STON2: variants seen among roughly 807,000 people sequenced by gnomAD.
STON2 encodes the protein stonin-2.
A neutral mutation model predicts 65.7 loss-of-function variants in STON2; 29 were observed. The ratio of observed to expected loss-of-function variants is 0.44; its 90% CI spans 0.33 to 0.60. The LOEUF is 0.60. STON2 is among the 20% of genes least tolerant of loss of function. The pLI is 0.03. For synonymous variants in STON2, 404 were observed against 414.2 expected (o/e 0.98, Z 0.30); for missense variants, 1,054 against 1,118.1 (o/e 0.94, Z 0.82).
At chr14:81,406,455 G>GT (rs1900865826) in intron 2 of STON2, among the ~76,000 whole-genome samples, 1 of 152,156 alleles carries the variant, frequency 6.6e-6, no homozygotes, top group Non-Finnish European at 1.5e-5. Context: ...ACACTCATTA[G>GT]TTTACATATT....
chr14:81,278,269 A>C lies in STON2; in HGVS notation c.1213T>G (p.Ser405Ala), dbSNP rs971023802. 1.9e-6 allele frequency: 3 copies of C among 1,614,030 alleles called. No individual in the cohort carries two copies. In the African/African-American group the frequency reaches 4.0e-5, roughly 22 times the overall value. The change falls in exon 6 of 8, where the codon TCC (serine) becomes GCC (alanine). Residue 405 changes from serine (S) to alanine (A), a missense_variant. Coordinates refer to ENST00000614646, the MANE Select transcript of STON2 (RefSeq NM_001394390.1). ...QERRSQNSSI[S>A]STTGKSQRDS... The stretch of plus-strand genomic sequence containing the variant: ...CTTTGGCTTTTGCCCGTGGTACTGG[A>C]AATGGAACTGTTTTGGGAGCGCCTC...
At chr14:81,411,373 A>G (rs1901149973) in intron 2 of STON2, among the ~76,000 whole-genome samples, 1 of 152,250 alleles carries the variant, frequency 6.6e-6, no homozygotes, top group African/African-American at 2.4e-5. Context: ...CATTCATCCA[A>G]CAAGTGGTTA....
At chr14:81,416,940 C>T (rs1901465200) in intron 2 of STON2, among the ~76,000 whole-genome samples, 2 of 152,180 alleles carry the variant, frequency 1.3e-5, no homozygotes, top group South Asian at 4.1e-4. Flanking sequence ...AAATCTCAAG[C>T]TTGGTGGGTA....
At chr14:81,272,358 A>T (rs1385370582) in intron 6 of STON2, among the ~76,000 whole-genome samples, 8 of 152,232 alleles carry the variant, frequency 5.3e-5, no homozygotes. Flanking sequence ...AGAGGGATTG[A>T]GCTGTAAGAA....
intron 2 of STON2, among the ~76,000 whole-genome samples, chr14:81,415,158 G>T (rs1223768777): frequency 6.6e-6 from 1 of 152,082 alleles, no homozygotes; most frequent in Non-Finnish European, 1.5e-5. Flanking sequence ...CCCTGCCCTG[G>T]ACCCAAGCAC....
intron 3 of STON2, among the ~76,000 whole-genome samples, chr14:81,374,207 G>C (rs953926721): frequency 6.7e-5 from 10 of 150,166 alleles, no homozygotes; most frequent in African/African-American, 2.5e-4. Context: ...GTAGAGATGG[G>C]TTTCACCATG....
chr14:81,354,807 A>T (rs1898159255), intron 4 of STON2, among the ~76,000 whole-genome samples: 1 of 152,158 alleles, frequency 6.6e-6, no homozygotes, highest in South Asian at 2.1e-4. Context: ...TCATGAGGTC[A>T]GGAGTTCAAG....
chr14:81,372,804 C>A (rs1250980065), intron 3 of STON2, among the ~76,000 whole-genome samples: 1 of 152,118 alleles, frequency 6.6e-6, no homozygotes, highest in Non-Finnish European at 1.5e-5. Context: ...AATGTCAGTT[C>A]TCCTGCCGGG....
At chr14:81,381,579 G>A (rs1023830662) in intron 3 of STON2, among the ~76,000 whole-genome samples, 8 of 147,098 alleles carry the variant, frequency 5.4e-5, no homozygotes, top group African/African-American at 2.2e-4. Context: ...TCTAGGAAAT[G>A]CAATTTAAAT....
chr14:81,345,494 A>T (rs1897776174), intron 4 of STON2, among the ~76,000 whole-genome samples: 1 of 152,170 alleles, frequency 6.6e-6, no homozygotes. Context: ...TTGTGAGAAA[A>T]TAAATTTCTG....
At position 81,399,566 on chromosome 14, in the gene STON2, A is replaced by G. The variant is rs544552740; in HGVS notation, c.-199+713T>C. 2.3e-4 allele frequency among the ~76,000 whole-genome samples: 35 copies of G among 152,366 alleles called. No homozygotes were observed. In the Middle Eastern group the frequency reaches 0.01, roughly 44 times the overall value. ...TCTAGGTGGGAAAATCGGTAAAAAC[A>G]TGAACAGCTTTTGCTTTTTTGGTGT... On this transcript the variant is annotated intron_variant, in intron 1 of 7. Transcript: ENST00000614646.
At chr14:81,316,090 G>A (rs1033099567) in intron 5 of STON2, among the ~76,000 whole-genome samples, 5 of 152,134 alleles carry the variant, frequency 3.3e-5, no homozygotes, top group East Asian at 1.9e-4. Flanking sequence ...GTTAAAACAC[G>A]TTGTTTAACT....
chr14:81,404,586 T>C (rs764780520), upstream of STON2, among the ~76,000 whole-genome samples: 2 of 152,222 alleles, frequency 1.3e-5, no homozygotes, highest in Non-Finnish European at 1.5e-5. Context: ...CACTACAGCC[T>C]TGACCTCTGC....
At chr14:81,398,674 A>G (rs1316235425) in intron 1 of STON2, 94 bp from the exon 2 acceptor site, 2 of 265,322 alleles carry the variant, frequency 7.5e-6, no homozygotes, top group Non-Finnish European at 1.4e-5. Flanking sequence ...GCTGCCCACA[A>G]GAAGGCTTGG....
At chr14:81,317,957 A>AT (rs1002593920) in intron 5 of STON2, among the ~76,000 whole-genome samples, 2 of 150,476 alleles carry the variant, frequency 1.3e-5, no homozygotes, top group African/African-American at 4.9e-5. Flanking sequence ...TTTTTTATTT[A>AT]TTTTTTTATT....
At chr14:81,392,747 A>C (rs919862819) in intron 3 of STON2, among the ~76,000 whole-genome samples, 5 of 152,186 alleles carry the variant, frequency 3.3e-5, no homozygotes, top group Non-Finnish European at 7.4e-5. Flanking sequence ...AAAGTGCTTC[A>C]TGTATTTTTT....
chr14:81,335,927 CAAA>C (rs1176237531), intron 4 of STON2, among the ~76,000 whole-genome samples: 2 of 151,940 alleles, frequency 1.3e-5, no homozygotes, highest in Admixed American at 1.3e-4. Flanking sequence ...GAAAAGGTAA[CAAA>C]AACAATTCCA....
At chr14:81,417,010 C>A (rs553221012) in intron 2 of STON2, among the ~76,000 whole-genome samples, 10 of 152,206 alleles carry the variant, frequency 6.6e-5, no homozygotes, top group African/African-American at 2.4e-4. Context: ...GTTTTATTTC[C>A]CAGGTAGATG....
intron 3 of STON2, among the ~76,000 whole-genome samples, chr14:81,374,496 C>T (rs1222457690): frequency 6.6e-6 from 1 of 152,094 alleles, no homozygotes; most frequent in Non-Finnish European, 1.5e-5. Context: ...GTGGGGTGAA[C>T]AGGCAGAATG....
Sources: allele counts gnomAD v4.1 joint callset (sites outside exome capture counted in the v4.1 genomes callset), GRCh38; gene constraint gnomAD v4.1.1; transcripts MANE v1.5; gene names NCBI Gene and HGNC (gene_info 2026-07-23, HGNC 2026-07-21).